CARD8: variants seen among roughly 807,000 people sequenced by gnomAD.
The protein encoded by CARD8 is caspase recruitment domain family member 8.
Under a neutral mutation model 53.2 loss-of-function variants are expected in CARD8, and 38 were observed. The observed-to-expected ratio is 0.71, with a 90% CI of 0.55 to 0.94. The LOEUF (loss-of-function observed/expected upper bound fraction) is 0.94, where lower values mean the gene tolerates loss of function less well. CARD8 is among the 40% of genes least tolerant of loss of function. CARD8 has a pLI of 0.00. For missense variants in CARD8, 561 were observed against 655.5 expected (o/e 0.86, Z 1.57); for synonymous variants, 245 against 244.9 (o/e 1.00, Z 0.00).
intron 10 of CARD8, among the ~76,000 whole-genome samples, chr19:48,226,777 T>C (rs974860288): frequency 3.3e-5 from 5 of 152,092 alleles, no homozygotes; most frequent in African/African-American, 1.2e-4. Flanking sequence ...CAAGTTATGC[T>C]ATGAAAATGA....
rs2037673402 is a variant in CARD8 at position 48,209,406 on chromosome 19, C to T, written c.*2304G>A. ...CAAAATGGAAATTTTAGAACTGATA[C>T]ATACAGTGACCAAAATTTAAAAGGT... On this transcript the variant is annotated 3_prime_UTR_variant, in exon 14 of 14. Coordinates refer to ENST00000651546, the MANE Select transcript of CARD8 (RefSeq NM_001184900.3). 1 of 151,930 alleles carries T rather than the reference C, an allele frequency of 6.6e-6. No homozygotes were observed. Among genetic ancestry groups the T allele is most frequent in the Non-Finnish European group, 1.5e-5 (1 of 68,006 alleles). 9.4% of individuals were successfully genotyped at this position (151,930 alleles called of 1,614,324 possible).
intron 9 of CARD8, 22 bp downstream of exon 9, chr19:48,230,755 G>A (rs773837448): frequency 6.2e-7 from 1 of 1,613,014 alleles, no homozygotes; most frequent in Non-Finnish European, 8.5e-7. Context: ...GGCCCCCACA[G>A]CCTCCGCTCA....
intron 1 of CARD8, among the ~76,000 whole-genome samples, chr19:48,251,420 T>G (rs2046921904): frequency 6.6e-6 from 1 of 152,192 alleles, no homozygotes; most frequent in African/African-American, 2.4e-5. Context: ...TATTGTGTGA[T>G]CCGCATATCA....
At chr19:48,224,150 C>CG (rs1163628928) in intron 10 of CARD8, among the ~76,000 whole-genome samples, 1 of 152,072 alleles carries the variant, frequency 6.6e-6, no homozygotes, top group African/African-American at 2.4e-5. Context: ...TTAGTAGAGA[C>CG]GGAGTTTCAC....
intron 1 of CARD8, among the ~76,000 whole-genome samples, chr19:48,251,694 G>A (rs941883577): frequency 5.9e-5 from 9 of 151,994 alleles, no homozygotes; most frequent in African/African-American, 2.2e-4. Context: ...CCTTATTCTT[G>A]GTACTATTTA....
In CARD8 at chr19:48,246,974, T is replaced by A. The variant is rs191796564; in HGVS notation, c.-44+2549A>T. 2.6e-5 allele frequency among the ~76,000 whole-genome samples: 4 copies of A among 152,360 alleles called. No individual in the cohort carries two copies. The East Asian group carries it at 7.7e-4, about 29-fold the overall frequency. Reference sequence around the variant, plus strand: ...GAATTGATATACTCCTATACAAATATACTTACCTATGTATGAACTCATGCT... The same window carrying A: ...GAATTGATATACTCCTATACAAATAAACTTACCTATGTATGAACTCATGCT... On this transcript the variant is annotated intron_variant, in intron 3 of 13. Coordinates refer to ENST00000651546, the MANE Select transcript of CARD8 (RefSeq NM_001184900.3).
chr19:48,207,739 T>TG (rs1568595722), downstream of CARD8, among the ~76,000 whole-genome samples: 1,510 of 97,118 alleles, frequency 0.016, 55 homozygotes, highest in African/African-American at 0.05. Context: ...TTTCTGTTTT[T>TG]TTTTTTTTTT....
intron 12 of CARD8, among the ~76,000 whole-genome samples, 169 bp downstream of exon 12, chr19:48,218,702 C>T (rs2039881752): frequency 6.6e-6 from 1 of 152,034 alleles, no homozygotes; most frequent in African/African-American, 2.4e-5. Flanking sequence ...ACCCAAAAGG[C>T]CCCAGTGTGT....
chr19:48,220,986 G>A (rs1568696680), intron 11 of CARD8, among the ~76,000 whole-genome samples: 3 of 98,562 alleles, frequency 3.0e-5, no homozygotes, highest in Non-Finnish European at 6.4e-5. Flanking sequence ...AGGAAGGAAG[G>A]AAGGAAGGAA....
At chr19:48,219,148 A>G (rs1036575502) in intron 11 of CARD8, 136 bp from the exon 12 acceptor site, 3 of 720,528 alleles carry the variant, frequency 4.2e-6, no homozygotes, top group Non-Finnish European at 7.1e-6. Context: ...AGAGGGAGAG[A>G]GGTAAACAGC....
At chr19:48,213,432 T>C (rs1369956498) in intron 13 of CARD8, among the ~76,000 whole-genome samples, 1 of 152,130 alleles carries the variant, frequency 6.6e-6, no homozygotes, top group Non-Finnish European at 1.5e-5. Context: ...TGGAGTGCGA[T>C]GGCACGATCT....
At chr19:48,219,537 A>C (rs2145644890) in intron 11 of CARD8, among the ~76,000 whole-genome samples, 1 of 152,278 alleles carries the variant, frequency 6.6e-6, no homozygotes, top group South Asian at 2.1e-4. Context: ...GCTCATGCAA[A>C]TCTCTAGTTT....
At chr19:48,243,481 T>C (rs2045571257) in intron 3 of CARD8, among the ~76,000 whole-genome samples, 1 of 152,224 alleles carries the variant, frequency 6.6e-6, no homozygotes, top group Admixed American at 6.5e-5. Flanking sequence ...AATATTAAAA[T>C]CTGCATATTT....
At chr19:48,240,882 G>T in intron 4 of CARD8, 80 bp downstream of exon 4, 1 of 1,083,924 alleles carries the variant, frequency 9.2e-7, no homozygotes, top group South Asian at 1.4e-5. Flanking sequence ...AACATCCATG[G>T]TCCTCTGTAT....
chr19:48,241,128 C>T, intron 3 of CARD8, 65 bp from the exon 4 acceptor site: 1 of 879,466 alleles, frequency 1.1e-6, no homozygotes, highest in Non-Finnish European at 1.8e-6. Context: ...ATCTTAGCTT[C>T]TGTGTCTCTC....
At chr19:48,230,736 C>T (rs758449330) in intron 9 of CARD8, 36 bp from the exon 10 acceptor site, 3 of 1,612,914 alleles carry the variant, frequency 1.9e-6, no homozygotes, top group Non-Finnish European at 1.7e-6. Flanking sequence ...AGACGGCACG[C>T]ACCCCAGCGG....
intron 11 of CARD8, among the ~76,000 whole-genome samples, chr19:48,219,980 T>C (rs1206789840): frequency 6.6e-6 from 1 of 152,100 alleles, no homozygotes; most frequent in Non-Finnish European, 1.5e-5. Flanking sequence ...CAAAAAAAGA[T>C]TATCACCTCA....
At chr19:48,206,279 A>G (rs1157270579), downstream of CARD8, 2 of 344,158 alleles carry the variant, frequency 5.8e-6, no homozygotes, top group East Asian at 7.8e-5. Context: ...CATTATGGGA[A>G]GTTGTATAGT....
At chr19:48,234,636 T>C (rs1275035444) in intron 5 of CARD8, 93 bp from the exon 6 acceptor site, 5 of 1,141,962 alleles carry the variant, frequency 4.4e-6, no homozygotes, top group South Asian at 2.9e-5. Context: ...TTAATAGCCA[T>C]AGACTCAATA....
Sources: gnomAD v4.1 joint callset for allele counts (sites outside exome capture counted in the v4.1 genomes callset) on GRCh38, gnomAD v4.1.1 for gene constraint, MANE v1.5 for transcripts, NCBI Gene and HGNC (gene_info 2026-07-23, HGNC 2026-07-21) for gene names.